Variants in KCNQ5 observed in about 807,000 individuals in gnomAD.
KCNQ5 encodes potassium voltage-gated channel subfamily KQT member 5.
Under a neutral mutation model 98.2 loss-of-function variants are expected in KCNQ5, and 30 were observed. The observed-to-expected ratio is 0.31, with a 90% CI of 0.23 to 0.41. The LOEUF (loss-of-function observed/expected upper bound fraction) is 0.41. Among genes scored for constraint, KCNQ5 ranks in the 10% least tolerant of loss-of-function variants. The probability of loss-of-function intolerance (pLI) is 1.00; values close to 1 mark genes in which losing one functional copy is unlikely to be tolerated. For synonymous variants in KCNQ5, 458 were observed against 449.4 expected, an observed-to-expected ratio of 1.02 and a Z score of -0.24; for missense variants, 835 against 1,182.5, an observed-to-expected ratio of 0.71 and a Z score of 4.31.
intron 6 of KCNQ5, among the ~76,000 whole-genome samples, chr6:73,109,831 T>C (rs1775155773): frequency 6.6e-6 from 1 of 152,224 alleles, no homozygotes; most frequent in Non-Finnish European, 1.5e-5. Flanking sequence ...TTTATACTAA[T>C]TAATAATGGA....
chr6:72,920,802 A>G (rs1385053376), intron 1 of KCNQ5, among the ~76,000 whole-genome samples: 1 of 152,220 alleles, frequency 6.6e-6, no homozygotes. Flanking sequence ...TGGATCAACC[A>G]TCTTCTTTAA....
At chr6:72,873,126 A>G (rs143996782) in intron 1 of KCNQ5, among the ~76,000 whole-genome samples, 30 of 152,198 alleles carry the variant, frequency 2.0e-4, no homozygotes, top group African/African-American at 6.7e-4. Flanking sequence ...TTTTCAATCA[A>G]TGAGATTTTG....
intron 1 of KCNQ5, among the ~76,000 whole-genome samples, chr6:72,659,240 A>G (rs1766382539): frequency 6.6e-6 from 1 of 152,164 alleles, no homozygotes; most frequent in Non-Finnish European, 1.5e-5. Flanking sequence ...GGATGGCTAT[A>G]GACATTTCTG....
At chr6:73,033,482 T>G (rs1308783142) in intron 2 of KCNQ5, among the ~76,000 whole-genome samples, 1 of 152,162 alleles carries the variant, frequency 6.6e-6, no homozygotes, top group Non-Finnish European at 1.5e-5. Context: ...TAAAGAAATT[T>G]CAGGAATCAA....
At chr6:72,774,481 G>A (rs1477099853) in intron 1 of KCNQ5, among the ~76,000 whole-genome samples, 1 of 152,014 alleles carries the variant, frequency 6.6e-6, no homozygotes, top group Admixed American at 6.6e-5. Flanking sequence ...TGCTATATTA[G>A]ATTACATTAA....
intron 1 of KCNQ5, among the ~76,000 whole-genome samples, chr6:72,888,389 G>A (rs1778930200): frequency 2.0e-5 from 3 of 152,142 alleles, no homozygotes; most frequent in Non-Finnish European, 4.4e-5. Context: ...TGTGCACAGA[G>A]GGCCTGTAAT....
chr6:72,905,432 G>A (rs559938249), intron 1 of KCNQ5, among the ~76,000 whole-genome samples: 19 of 152,060 alleles, frequency 1.2e-4, no homozygotes, highest in African/African-American at 3.4e-4. Flanking sequence ...GTGATTTTGC[G>A]GGGGCATGTT....
intron 7 of KCNQ5, among the ~76,000 whole-genome samples, chr6:73,118,723 A>T (rs1775613651): frequency 6.6e-6 from 1 of 152,192 alleles, no homozygotes; most frequent in African/African-American, 2.4e-5. Flanking sequence ...GATGTGGCCC[A>T]TTTAAATGAA....
intron 1 of KCNQ5, among the ~76,000 whole-genome samples, chr6:72,994,586 T>G (rs1769196710): frequency 6.7e-6 from 1 of 149,888 alleles, no homozygotes; most frequent in African/African-American, 2.5e-5. Context: ...ATGAACCCGG[T>G]ACCTCAGATG....
intron 1 of KCNQ5, among the ~76,000 whole-genome samples, chr6:72,957,821 G>T (rs1004392660): frequency 1.1e-4 from 17 of 152,066 alleles, no homozygotes; most frequent in African/African-American, 1.9e-4. Flanking sequence ...CTGAGAAAAA[G>T]GTGGGTAGCT....
intron 1 of KCNQ5, among the ~76,000 whole-genome samples, chr6:72,630,269 A>G (rs909411995): frequency 1.1e-4 from 17 of 152,214 alleles, no homozygotes; most frequent in African/African-American, 3.4e-4. Flanking sequence ...AAATTTTTAC[A>G]TGATGAAGAG....
intron 6 of KCNQ5, among the ~76,000 whole-genome samples, chr6:73,108,502 A>G (rs1775093929): frequency 6.6e-6 from 1 of 152,174 alleles, no homozygotes; most frequent in South Asian, 2.1e-4. Context: ...TAATTATTGC[A>G]TATAATAACA....
intron 1 of KCNQ5, among the ~76,000 whole-genome samples, chr6:72,738,829 A>ATATG (rs1289835233): frequency 6.6e-6 from 1 of 152,206 alleles, no homozygotes; most frequent in Non-Finnish European, 1.5e-5. Context: ...GATTCCAACT[A>ATATG]TATGACATTC....
chr6:72,713,021 T>C (rs1323774753), intron 1 of KCNQ5, among the ~76,000 whole-genome samples: 1 of 152,184 alleles, frequency 6.6e-6, no homozygotes, highest in East Asian at 1.9e-4. Flanking sequence ...TGATGTATTT[T>C]AGGTGCTCAG....
intron 2 of KCNQ5, among the ~76,000 whole-genome samples, chr6:73,007,293 TA>T (rs1769856945): frequency 6.6e-6 from 1 of 152,136 alleles, no homozygotes; most frequent in Admixed American, 6.6e-5. Flanking sequence ...AGCATAGACT[TA>T]AGAATGTGAT....
intron 11 of KCNQ5, among the ~76,000 whole-genome samples, chr6:73,174,280 T>A (rs762179265): frequency 1.3e-5 from 2 of 152,230 alleles, no homozygotes; most frequent in Non-Finnish European, 2.9e-5. Context: ...CCTGTCCGTT[T>A]GTTTTATACA....
At chr6:73,058,804 A>G (rs1227114226) in intron 3 of KCNQ5, among the ~76,000 whole-genome samples, 1 of 152,254 alleles carries the variant, frequency 6.6e-6, no homozygotes, top group African/African-American at 2.4e-5. Context: ...CAAGAAGCAT[A>G]TAAAAAAATG....
chr6:73,085,429 C>G (rs1773946687), intron 5 of KCNQ5, among the ~76,000 whole-genome samples: 1 of 152,180 alleles, frequency 6.6e-6, no homozygotes, highest in African/African-American at 2.4e-5. Flanking sequence ...CAAGCCTAAG[C>G]TGCCAACAAA....
intron 1 of KCNQ5, among the ~76,000 whole-genome samples, chr6:72,682,919 A>T (rs1346252604): frequency 6.6e-6 from 1 of 152,130 alleles, no homozygotes; most frequent in African/African-American, 2.4e-5. Context: ...TTACGTTTTT[A>T]TGTTGAAAAG....
Sources: gnomAD v4.1 joint callset for allele counts (sites outside exome capture counted in the v4.1 genomes callset) on GRCh38, gnomAD v4.1.1 for gene constraint, MANE v1.5 for transcripts, NCBI Gene and HGNC (gene_info 2026-07-23, HGNC 2026-07-21) for gene names.